PCDH7: variants seen among roughly 807,000 people sequenced by gnomAD.
The protein encoded by PCDH7 is protocadherin 7, also known as protocadherin-7.
In PCDH7, 17 loss-of-function variants were observed where a neutral mutation model predicts 58.9. That is an observed-to-expected ratio of 0.29 (90% CI 0.20 to 0.43). The LOEUF is 0.43. Ranked by LOEUF, PCDH7 falls within the 20% of genes least tolerant of loss-of-function variation. PCDH7 has a pLI of 1.00. For missense variants in PCDH7, 1,274 were observed against 1,441.0 expected (o/e 0.88, Z 1.88); for synonymous variants, 664 against 616.4 (o/e 1.08, Z -1.14).
intron 1 of PCDH7, among the ~76,000 whole-genome samples, chr4:30,851,910 A>C (rs1165319629): frequency 6.6e-6 from 1 of 152,124 alleles, no homozygotes; most frequent in Non-Finnish European, 1.5e-5. Context: ...TATACACACA[A>C]AATCAACTCA....
At chr4:30,865,065 C>T (rs1265205497) in intron 1 of PCDH7, among the ~76,000 whole-genome samples, 1 of 152,064 alleles carries the variant, frequency 6.6e-6, no homozygotes, top group Middle Eastern at 3.4e-3. Flanking sequence ...TAACACTGAT[C>T]ATACCCTACT....
chr4:30,830,631 CTAATAA>C (rs1553896344), intron 1 of PCDH7, among the ~76,000 whole-genome samples: 1 of 151,930 alleles, frequency 6.6e-6, no homozygotes, highest in Non-Finnish European at 1.5e-5. Context: ...AGTGCTAACA[CTAATAA>C]TAATAATAGA....
At chr4:30,791,707 T>G (rs1369218697) in intron 1 of PCDH7, among the ~76,000 whole-genome samples, 2 of 152,208 alleles carry the variant, frequency 1.3e-5, no homozygotes, top group Non-Finnish European at 2.9e-5. Context: ...TCAAATCTTA[T>G]AGCTCTGTGA....
chr4:30,942,267 A>T (rs1428591549), intron 2 of PCDH7, among the ~76,000 whole-genome samples: 1 of 151,990 alleles, frequency 6.6e-6, no homozygotes, highest in Non-Finnish European at 1.5e-5. Flanking sequence ...CTTATAACTT[A>T]ATCTACATTG....
At chr4:31,030,277 A>T (rs190670923) in intron 3 of PCDH7, among the ~76,000 whole-genome samples, 13 of 152,062 alleles carry the variant, frequency 8.5e-5, no homozygotes, top group Admixed American at 8.5e-4. Context: ...TGTATCCTCA[A>T]ATTGCTTTGT....
chr4:30,813,885 C>A (rs1020329223), intron 1 of PCDH7, among the ~76,000 whole-genome samples: 1 of 152,142 alleles, frequency 6.6e-6, no homozygotes, highest in Non-Finnish European at 1.5e-5. Flanking sequence ...CGTGATCTGC[C>A]AGCCTCGGCC....
chr4:30,751,654 A>G (rs1420654435), intron 1 of PCDH7, among the ~76,000 whole-genome samples: 1 of 152,148 alleles, frequency 6.6e-6, no homozygotes, highest in Non-Finnish European at 1.5e-5. Context: ...TGAAAAGTTT[A>G]TTAATCTTTG....
chr4:30,825,693 T>G (rs1301115635), intron 1 of PCDH7, among the ~76,000 whole-genome samples: 1 of 152,158 alleles, frequency 6.6e-6, no homozygotes, highest in Non-Finnish European at 1.5e-5. Flanking sequence ...CATTGGGGAC[T>G]TTTGAGAAGT....
At chr4:31,104,185 T>C (rs1311452235) in intron 3 of PCDH7, among the ~76,000 whole-genome samples, 1 of 152,222 alleles carries the variant, frequency 6.6e-6, no homozygotes, top group Non-Finnish European at 1.5e-5. Flanking sequence ...TGTGAGCTCT[T>C]GCAGTGCAAG....
In PCDH7 at chr4:30,824,079, T is replaced by TTTTCTTTCTTTCTTTC. The variant is rs199892825; in HGVS notation, c.71-96006_71-95991dup. ...TAGTCTGTAATTAAAGCGGGGTTTC[T>TTTTCTTTCTTTCTTTC]TTTCTTTCTTTCTTTCTTTCTTTCT... is the stretch of plus-strand genomic sequence containing the variant. On this transcript the variant is annotated intron_variant, in intron 1 of 3. Transcript: ENST00000509759. Among the ~76,000 whole-genome samples the TTTTCTTTCTTTCTTTC allele has an allele frequency of 4.4e-5, 4 of 91,490 alleles. No individual in the cohort carries two copies. The Admixed American group carries it at 4.8e-4, about 11-fold the overall frequency. The allele number at this position is 91,490 out of a possible 152,430, so 60.0% of individuals were successfully genotyped here. A position where few individuals can be genotyped will look rare whatever the true frequency, so the allele number is the denominator to read the frequency against.
At chr4:30,740,769 T>C (rs1216586087) in intron 1 of PCDH7, among the ~76,000 whole-genome samples, 1 of 152,120 alleles carries the variant, frequency 6.6e-6, no homozygotes, top group Non-Finnish European at 1.5e-5. Context: ...CCTAAATTAG[T>C]TGTTCGTTAT....
At chr4:30,924,569 G>A (rs1042649340) in intron 2 of PCDH7, among the ~76,000 whole-genome samples, 3 of 152,074 alleles carry the variant, frequency 2.0e-5, no homozygotes, top group African/African-American at 7.2e-5. Flanking sequence ...TAAATCAAAG[G>A]AGTGGACTGA....
chr4:30,794,439 T>G (rs1724526855), intron 1 of PCDH7, among the ~76,000 whole-genome samples: 7 of 152,170 alleles, frequency 4.6e-5, no homozygotes, highest in Admixed American at 4.6e-4. Context: ...GACTCTTATT[T>G]CCCCTCTTAA....
chr4:30,884,002 C>T (rs1190548629), intron 1 of PCDH7, among the ~76,000 whole-genome samples: 1 of 152,102 alleles, frequency 6.6e-6, no homozygotes, highest in Non-Finnish European at 1.5e-5. Context: ...ACTTTTAATT[C>T]CTATGGGAGG....
At position 31,127,292 on chromosome 4, in the gene PCDH7, C is replaced by A. The variant is rs758006710; in HGVS notation, c.*8-15181C>A. ...AGTCATCTATGGGAAAGATGACATT[C>A]TAATTACACTCCTGATTTTTTTACA... On this transcript the variant is annotated intron_variant, in intron 3 of 3. Transcript: ENST00000509759. Among the ~76,000 whole-genome samples, 78 of 152,278 alleles carry A rather than the reference C, an allele frequency of 5.1e-4. No individual in the cohort carries two copies. The Middle Eastern group carries it at 0.014, about 27-fold the overall frequency.
At position 30,740,683 on chromosome 4, in the gene PCDH7, G is replaced by GT. The variant is rs201277611; in HGVS notation, c.70+16096dup. Among the ~76,000 whole-genome samples the GT allele has an allele frequency of 4.0e-3, 606 of 150,868 alleles. 3 individuals are homozygous for GT. Among genetic ancestry groups the GT allele is most frequent in the African/African-American group, 9.1e-3 (377 of 41,210 alleles). ...AAAAGATACATGTTTTTCTCTTGAG[G>GT]TTTTTTTTTAATCTTTCACAATGTT... On this transcript the variant is annotated intron_variant, in intron 1 of 3. Transcript: ENST00000509759.
At chr4:30,724,709 C>A (rs764202300) in intron 1 of PCDH7, 113 bp downstream of exon 1, 1 of 1,454,698 alleles carries the variant, frequency 6.9e-7, no homozygotes, top group South Asian at 1.5e-5. Context: ...AAAATTTTAA[C>A]AGTAGGAATT....
intron 1 of PCDH7, among the ~76,000 whole-genome samples, chr4:30,903,755 T>C (rs1460912043): frequency 6.6e-6 from 1 of 152,132 alleles, no homozygotes; most frequent in Non-Finnish European, 1.5e-5. Flanking sequence ...ACAATATTAG[T>C]TATCTGAAAA....
At chr4:31,058,564 T>C (rs928887219) in intron 3 of PCDH7, among the ~76,000 whole-genome samples, 1 of 152,042 alleles carries the variant, frequency 6.6e-6, no homozygotes, top group Non-Finnish European at 1.5e-5. Flanking sequence ...GGTTTTCTAA[T>C]TTTTATTACT....
Sources: gnomAD v4.1 joint callset for allele counts (sites outside exome capture counted in the v4.1 genomes callset) on GRCh38, gnomAD v4.1.1 for gene constraint, MANE v1.5 for transcripts, NCBI Gene and HGNC (gene_info 2026-07-23, HGNC 2026-07-21) for gene names.